NR2F1-AS1: variants seen among roughly 807,000 people sequenced by gnomAD.
NR2F1-AS1 encodes the protein NR2F1 antisense RNA 1.
At chr5:93,553,891 C>T (rs1441588651) in intron 3 of NR2F1-AS1, 1 of 152,110 alleles carries the variant, frequency 6.6e-6, no homozygotes, top group Non-Finnish European at 1.5e-5. Context: ...CCAGTGGTCA[C>T]AGAAAATAAC....
chr5:93,480,080 A>G (rs964261053), intron 4 of NR2F1-AS1, among the ~76,000 whole-genome samples: 17 of 152,152 alleles, frequency 1.1e-4, no homozygotes, highest in African/African-American at 4.1e-4. Context: ...TATGGGTTAC[A>G]GAAACAGAAA....
intron 4 of NR2F1-AS1, among the ~76,000 whole-genome samples, chr5:93,481,583 C>T (rs921028266): frequency 6.6e-6 from 1 of 152,056 alleles, no homozygotes. Context: ...ACAGAACACT[C>T]TACCAAAAAT....
chr5:93,578,053 A>G (rs1189278052), intron 1 of NR2F1-AS1, among the ~76,000 whole-genome samples: 1 of 152,202 alleles, frequency 6.6e-6, no homozygotes, highest in Non-Finnish European at 1.5e-5. Flanking sequence ...CAAGATATCA[A>G]TATCAAAAAA....
chr5:93,500,448 A>G (rs1434735248), intron 4 of NR2F1-AS1, among the ~76,000 whole-genome samples: 1 of 152,004 alleles, frequency 6.6e-6, no homozygotes, highest in African/African-American at 2.4e-5. Flanking sequence ...TAAGCCTTTC[A>G]ATGAGACCCA....
intron 4 of NR2F1-AS1, among the ~76,000 whole-genome samples, chr5:93,488,969 A>AC (rs1206579255): frequency 6.6e-6 from 1 of 152,134 alleles, no homozygotes; most frequent in African/African-American, 2.4e-5. Context: ...GATGCTGGAA[A>AC]CCATCATTCT....
rs562095825 is a variant in NR2F1-AS1 at position 93,504,073 on chromosome 5, A to C, written n.638+49688T>G. On this transcript the variant is annotated intron_variant and non_coding_transcript_variant, in intron 4 of 5. Coordinates refer to ENST00000660523, the Ensembl canonical transcript of NR2F1-AS1. ...AAGGAGGAAAAAAAATCTTGTAAAG[A>C]AATTTAATAATAAATTTTTAATTCT... 3.3e-4 allele frequency among the ~76,000 whole-genome samples: 50 copies of C among 152,356 alleles called. 1 individual carries two copies. The South Asian group carries it at 9.9e-3, about 30-fold the overall frequency.
chr5:93,435,030 T>C (rs545810425), intron 4 of NR2F1-AS1, among the ~76,000 whole-genome samples: 15 of 152,362 alleles, frequency 9.8e-5, no homozygotes, highest in African/African-American at 3.6e-4. Context: ...ACCTATTTTA[T>C]GCTTTGTAAG....
intron 4 of NR2F1-AS1, among the ~76,000 whole-genome samples, chr5:93,468,309 A>ATC (rs1750286224): frequency 2.0e-5 from 3 of 151,406 alleles, no homozygotes; most frequent in Non-Finnish European, 3.0e-5. Context: ...GCTCTCCAGC[A>ATC]TGTTGTTTCC....
chr5:93,423,099 A>G (rs1749121332), intron 4 of NR2F1-AS1: 1 of 152,262 alleles, frequency 6.6e-6, no homozygotes, highest in Non-Finnish European at 1.5e-5. Context: ...CTTTCAGGGC[A>G]CATTTAGGGG....
chr5:93,464,820 A>G (rs935103693), intron 4 of NR2F1-AS1, among the ~76,000 whole-genome samples: 1 of 152,228 alleles, frequency 6.6e-6, no homozygotes, highest in South Asian at 2.1e-4. Context: ...CTTCCACTCA[A>G]CATCACTGAT....
At chr5:93,459,207 C>A (rs1750035140) in intron 4 of NR2F1-AS1, among the ~76,000 whole-genome samples, 2 of 151,730 alleles carry the variant, frequency 1.3e-5, no homozygotes, top group Admixed American at 6.6e-5. Flanking sequence ...CTGAAATATT[C>A]AGATATTTCA....
intron 4 of NR2F1-AS1, among the ~76,000 whole-genome samples, chr5:93,514,783 C>T (rs1029133467): frequency 6.6e-6 from 1 of 151,868 alleles, no homozygotes; most frequent in Non-Finnish European, 1.5e-5. Context: ...TTAAGCTTTG[C>T]TTATGAAAGA....
At chr5:93,457,526 C>T (rs929198889) in intron 4 of NR2F1-AS1, among the ~76,000 whole-genome samples, 1 of 152,120 alleles carries the variant, frequency 6.6e-6, no homozygotes, top group African/African-American at 2.4e-5. Context: ...CTTATGTCTA[C>T]TTCTTTCTAC....
intron 4 of NR2F1-AS1, among the ~76,000 whole-genome samples, chr5:93,524,930 T>C (rs1017535819): frequency 6.6e-6 from 1 of 152,148 alleles, no homozygotes; most frequent in Non-Finnish European, 1.5e-5. Context: ...CCACTGACAC[T>C]ATGAAGAAAT....
chr5:93,529,920 C>A (rs1751698883), intron 4 of NR2F1-AS1, among the ~76,000 whole-genome samples: 2 of 151,948 alleles, frequency 1.3e-5, no homozygotes, highest in Non-Finnish European at 2.9e-5. Flanking sequence ...GCTCTGTATC[C>A]CATTTTACAA....
At chr5:93,515,087 A>G (rs1056892139) in intron 4 of NR2F1-AS1, among the ~76,000 whole-genome samples, 1 of 151,928 alleles carries the variant, frequency 6.6e-6, no homozygotes, top group Non-Finnish European at 1.5e-5. Context: ...CCTACTTTTC[A>G]AGCAAAGAAA....
chr5:93,458,853 T>C (rs1750011922), intron 4 of NR2F1-AS1, among the ~76,000 whole-genome samples: 1 of 151,288 alleles, frequency 6.6e-6, no homozygotes, highest in Non-Finnish European at 1.5e-5. Flanking sequence ...CTACTAAAAA[T>C]ACAAAAAAAT....
At chr5:93,412,395 T>C (rs1748875379) in intron 4 of NR2F1-AS1, among the ~76,000 whole-genome samples, 1 of 152,042 alleles carries the variant, frequency 6.6e-6, no homozygotes, top group South Asian at 2.1e-4. Context: ...GCCCCTGATG[T>C]CTCCACTTAA....
intron 1 of NR2F1-AS1, among the ~76,000 whole-genome samples, chr5:93,575,724 CT>C (rs900630012): frequency 2.1e-4 from 32 of 148,944 alleles, no homozygotes; most frequent in Admixed American, 2.7e-4. Flanking sequence ...TAATTGTTTG[CT>C]TTTTTTTTTC....
Sources: gnomAD v4.1 joint callset for allele counts (sites outside exome capture counted in the v4.1 genomes callset) on GRCh38, gnomAD v4.1.1 for gene constraint, MANE v1.5 for transcripts, NCBI Gene and HGNC (gene_info 2026-07-23, HGNC 2026-07-21) for gene names.